EFCAB10: variants seen among roughly 807,000 people sequenced by gnomAD.
EFCAB10 encodes the protein EF-hand calcium binding domain 10.
Under a neutral mutation model 7.7 loss-of-function variants are expected in EFCAB10, and 7 were observed. The ratio of observed to expected loss-of-function variants is 0.91; its 90% CI spans 0.52 to 1.72. The LOEUF is 1.72. Among genes scored for constraint, EFCAB10 ranks in the 40% most tolerant of loss-of-function variants. EFCAB10 has a pLI of 0.00. For missense variants in EFCAB10, 112 were observed against 61.5 expected (o/e 1.82, Z -2.74); for synonymous variants, 52 against 21.0 (o/e 2.47, Z -4.03).
intron 1 of EFCAB10, among the ~76,000 whole-genome samples, chr7:105,575,817 C>G (rs548849246): frequency 6.6e-6 from 1 of 152,070 alleles, no homozygotes; most frequent in Non-Finnish European, 1.5e-5. Flanking sequence ...GTGGGAGGAT[C>G]GCCTGAGGTT....
chr7:105,577,575 G>A (rs201713744), intron 1 of EFCAB10, among the ~76,000 whole-genome samples: 1 of 142,306 alleles, frequency 7.0e-6, no homozygotes, highest in Non-Finnish European at 1.5e-5. Flanking sequence ...AGGCCTCTGT[G>A]TGTATTATAA....
intron 1 of EFCAB10, among the ~76,000 whole-genome samples, chr7:105,577,197 TC>T (rs1562869314): frequency 6.6e-6 from 1 of 152,170 alleles, no homozygotes; most frequent in Non-Finnish European, 1.5e-5. Context: ...TAGGTTCTTT[TC>T]CCCCCATAAT....
chr7:105,577,814 G>A (rs966300120), intron 1 of EFCAB10, among the ~76,000 whole-genome samples: 4 of 151,744 alleles, frequency 2.6e-5, no homozygotes, highest in Admixed American at 1.3e-4. Context: ...CTGCCTCCGC[G>A]TTCAAGCGAT....
rs141245863 is a variant in EFCAB10, at chr7:105,580,756, G to A, written c.106+602C>T. On this transcript the variant is annotated intron_variant, in intron 1 of 4. Transcript: ENST00000480514. ...GGCAAATTACAATTCTGCACCCTGGGGAGGACATAAAACCATTTTCACCTA... is the reference window on the plus strand; with the variant it reads ...GGCAAATTACAATTCTGCACCCTGGAGAGGACATAAAACCATTTTCACCTA... 8.2e-3 allele frequency among the ~76,000 whole-genome samples: 1,249 copies of A among 152,070 alleles called. 21 individuals are homozygous for A. Among genetic ancestry groups the A allele is most frequent in the African/African-American group, 0.029 (1,188 of 41,456 alleles).
At chr7:105,579,357 G>A (rs532385684) in intron 1 of EFCAB10, among the ~76,000 whole-genome samples, 7 of 152,218 alleles carry the variant, frequency 4.6e-5, no homozygotes, top group East Asian at 3.9e-4. Context: ...CTGGGGGTAC[G>A]GGGTTTGGGT....
chr7:105,578,217 GGAT>G (rs1792135662), intron 1 of EFCAB10, among the ~76,000 whole-genome samples: 1 of 152,114 alleles, frequency 6.6e-6, no homozygotes, highest in South Asian at 2.1e-4. Context: ...TCCCCGGTTT[GGAT>G]GATAACTCAT....
intron 1 of EFCAB10, 86 bp from the exon 2 acceptor site, chr7:105,569,657 C>CTA (rs1301051811): frequency 3.1e-6 from 2 of 641,960 alleles, no homozygotes; most frequent in Admixed American, 4.9e-5. Flanking sequence ...TATTAAACAG[C>CTA]TATAGCAAAG....
At chr7:105,571,887 T>C (rs999987215) in intron 1 of EFCAB10, 5 of 152,244 alleles carry the variant, frequency 3.3e-5, no homozygotes, top group South Asian at 2.1e-4. Flanking sequence ...AAAGACTGCA[T>C]TGACATGGTT....
chr7:105,570,716 A>C (rs890643483), intron 1 of EFCAB10, among the ~76,000 whole-genome samples: 1 of 152,010 alleles, frequency 6.6e-6, no homozygotes, highest in Non-Finnish European at 1.5e-5. Flanking sequence ...TGGCCAACTC[A>C]TATTTTCTTT....
chr7:105,570,247 A>AT (rs1287080134), intron 1 of EFCAB10, among the ~76,000 whole-genome samples: 6 of 72,898 alleles, frequency 8.2e-5, no homozygotes, highest in Non-Finnish European at 1.3e-4. Context: ...AAAAATATAT[A>AT]TATATATATA....
chr7:105,581,358 C>G lies in EFCAB10; in HGVS notation c.106G>C (p.Glu36Gln). 2.8e-6 allele frequency: 2 copies of G among 702,890 alleles called. No individual in the cohort carries two copies. The highest frequency in any genetic ancestry group is 5.2e-6 in the Non-Finnish European group (2 of 384,942). The allele number at this position is 702,890 out of a possible 1,614,324, so 43.5% of individuals were successfully genotyped here. A position where few individuals can be genotyped will look rare whatever the true frequency, so the allele number is the denominator to read the frequency against. The change falls in exon 1 of 5, where the codon GAA becomes CAA. Residue 36 changes from glutamate (E) to glutamine (Q), a missense_variant and splice_region_variant. Transcript: ENST00000480514. ...LTSALLFFRP[E>Q]KPKEYLISLL... ...TGTACCGGGGCATGGGGGCCCTTAC[C>G]CGGCCGAAAGAAAAGGAGGGCGCTG...
At chr7:105,569,114 A>T in intron 3 of EFCAB10, 89 bp downstream of exon 3, 1 of 667,672 alleles carries the variant, frequency 1.5e-6, no homozygotes, top group African/African-American at 1.8e-5. Context: ...TATTTCTTTC[A>T]AAAGATAGGA....
At chr7:105,577,084 G>A (rs1004041471) in intron 1 of EFCAB10, among the ~76,000 whole-genome samples, 3 of 137,634 alleles carry the variant, frequency 2.2e-5, no homozygotes, top group African/African-American at 7.1e-5. Context: ...CCATGTCTCA[G>A]TTTTAAAAAA....
rs1437418030 is a variant in EFCAB10 at position 105,581,426 on chromosome 7, T to C, written c.38A>G (p.Tyr13Cys). The C allele has an allele frequency of 1.4e-6, 1 of 702,994 alleles. No homozygotes were observed. Among genetic ancestry groups the C allele is most frequent in the African/African-American group, 1.7e-5 (1 of 57,264 alleles). The allele number at this position is 702,994 out of a possible 1,614,324, so 43.5% of individuals were successfully genotyped here. Residue 13 changes from tyrosine to cysteine, a missense_variant, in exon 1 of 5, where the codon TAT becomes TGT. Tyr to Cys is a radical substitution (Grantham distance 194). Transcript: ENST00000480514. Reference protein sequence around the residue: ...TSSRELQAAEYLEKHQIKEVV... With the variant: ...TSSRELQAAECLEKHQIKEVV... ...CTCCTTGATCTGATGCTTTTCCAAA[T>C]ACTCCGCGGCTTGGAGCTCCCTGCT... is the stretch of plus-strand genomic sequence containing the variant.
chr7:105,581,486 A>T lies in EFCAB10; in HGVS notation c.-23T>A. The T allele has an allele frequency of 1.4e-6, 1 of 702,858 alleles. No individual in the cohort carries two copies. The highest frequency in any genetic ancestry group is 2.6e-6 in the Non-Finnish European group (1 of 384,828). 43.5% of individuals were successfully genotyped at this position (702,858 alleles called of 1,614,324 possible). On this transcript the variant is annotated 5_prime_UTR_variant, in exon 1 of 5. Coordinates refer to ENST00000480514, the MANE Select transcript of EFCAB10 (RefSeq NM_001355526.2). ...CATCGCTCCGCGTCCCGCTGTTGCT[A>T]GGCGACTGCCTGGCGTCTCAGCCGT...
At position 105,565,310 on chromosome 7, in the gene EFCAB10, A is replaced by C; in HGVS notation, c.*137T>G. On this transcript the variant is annotated 3_prime_UTR_variant, in exon 5 of 5. Coordinates refer to ENST00000480514, the MANE Select transcript of EFCAB10 (RefSeq NM_001355526.2). ...CCTTGCCATCTCAGTCAGAGCAGGCAGTGATGTCCCTGTCCAGTTCGGCTT... is the reference window on the plus strand; with the variant it reads ...CCTTGCCATCTCAGTCAGAGCAGGCCGTGATGTCCCTGTCCAGTTCGGCTT... The C allele has an allele frequency of 6.2e-7, 1 of 1,613,188 alleles. No individual in the cohort carries two copies. Among genetic ancestry groups the C allele is most frequent in the Non-Finnish European group, 8.5e-7 (1 of 1,179,154 alleles).
intron 1 of EFCAB10, chr7:105,573,558 T>C (rs1791999500): frequency 6.6e-6 from 1 of 152,210 alleles, no homozygotes; most frequent in Non-Finnish European, 1.5e-5. Context: ...CATAAATATA[T>C]ATAATAAAGA....
chr7:105,574,149 CAT>C, intron 1 of EFCAB10, among the ~76,000 whole-genome samples: 1 of 143,176 alleles, frequency 7.0e-6, no homozygotes, highest in Admixed American at 7.2e-5. Context: ...TATATATACA[CAT>C]ACATATATAT....
At chr7:105,575,449 C>T (rs1054792590) in intron 1 of EFCAB10, among the ~76,000 whole-genome samples, 5 of 152,098 alleles carry the variant, frequency 3.3e-5, no homozygotes, top group Non-Finnish European at 7.4e-5. Context: ...GCTGGGATTA[C>T]AAGTGTCCGC....
Sources: allele counts gnomAD v4.1 joint callset (sites outside exome capture counted in the v4.1 genomes callset), GRCh38; gene constraint gnomAD v4.1.1; transcripts MANE v1.5; gene names NCBI Gene and HGNC (gene_info 2026-07-23, HGNC 2026-07-21).